GPBP1: variants seen among roughly 807,000 people sequenced by gnomAD.
GPBP1 encodes the protein vasculin.
GPBP1 carries 13 observed loss-of-function variants against 56.5 expected under a neutral mutation model. That is an observed-to-expected ratio of 0.23 (90% CI 0.15 to 0.37). GPBP1 has a LOEUF of 0.37. Ranked by LOEUF, GPBP1 falls within the 10% of genes least tolerant of loss-of-function variation. The pLI, the probability that GPBP1 is intolerant of heterozygous loss-of-function variation, is 1.00. For synonymous variants in GPBP1, 204 were observed against 188.9 expected (o/e 1.08, Z -0.66); for missense variants, 477 against 572.3 (o/e 0.83, Z 1.70).
chr5:57,190,694 CTTTTTTTTTTTTTTTT>C (rs773540051), intron 2 of GPBP1, among the ~76,000 whole-genome samples: 2 of 68,852 alleles, frequency 2.9e-5, no homozygotes, highest in African/African-American at 5.8e-5. Context: ...TTGCTGTTAG[CTTTTTTTTTTTTTTTT>C]TTTTTTTTTT....
At chr5:57,241,762 A>G (rs1056624459) in intron 6 of GPBP1, among the ~76,000 whole-genome samples, 1 of 152,226 alleles carries the variant, frequency 6.6e-6, no homozygotes, top group East Asian at 1.9e-4. Flanking sequence ...CTCATTTTAT[A>G]TAGGTATTAA....
chr5:57,249,447 T>A lies in GPBP1; in HGVS notation c.843T>A (p.Leu281=), dbSNP rs772956658. 21 of 1,608,038 alleles carry A rather than the reference T, an allele frequency of 1.3e-5. No individual in the cohort carries two copies. In the Middle Eastern group the frequency reaches 1.3e-3, roughly 102 times the overall value. ...ATTCCTCTTCTCCTGTTGACAAACT[T>A]AATCAGCAGCCTCGTCTAACCAAAC... is the stretch of plus-strand genomic sequence containing the variant. ...RSNSSSPVDK[L]NQQPRLTKLT... Residue 281 remains leucine (L), a synonymous_variant, in exon 9 of 12, where the codon CTT becomes CTA. Transcript: ENST00000506184.
chr5:57,186,201 A>T (rs1222124933), intron 2 of GPBP1, among the ~76,000 whole-genome samples: 1 of 152,062 alleles, frequency 6.6e-6, no homozygotes, highest in African/African-American at 2.4e-5. Flanking sequence ...GTTCAAGACC[A>T]GCCTGGGCAA....
At chr5:57,223,938 A>G (rs1234929886) in intron 3 of GPBP1, among the ~76,000 whole-genome samples, 2 of 151,076 alleles carry the variant, frequency 1.3e-5, no homozygotes, top group East Asian at 3.9e-4. Flanking sequence ...GGTTCATGCC[A>G]TTCTCCTGCC....
chr5:57,222,945 T>C (rs1252069905), intron 3 of GPBP1, among the ~76,000 whole-genome samples: 1 of 152,214 alleles, frequency 6.6e-6, no homozygotes, highest in African/African-American at 2.4e-5. Flanking sequence ...CATATTTTTG[T>C]GTTAGAAATT....
chr5:57,242,822 T>A (rs1193235818), intron 6 of GPBP1, among the ~76,000 whole-genome samples: 1 of 152,158 alleles, frequency 6.6e-6, no homozygotes, highest in Non-Finnish European at 1.5e-5. Flanking sequence ...TGATCTCATC[T>A]CACTGCAACC....
At chr5:57,201,107 A>T (rs901205565) in intron 2 of GPBP1, among the ~76,000 whole-genome samples, 4 of 152,216 alleles carry the variant, frequency 2.6e-5, no homozygotes, top group African/African-American at 9.6e-5. Context: ...TACAGGCATG[A>T]GCCACTGCGC....
intron 2 of GPBP1, among the ~76,000 whole-genome samples, chr5:57,178,783 A>G (rs748853688): frequency 6.6e-6 from 1 of 152,216 alleles, no homozygotes; most frequent in Non-Finnish European, 1.5e-5. Flanking sequence ...TCCGTTGGTA[A>G]TTGGAACTAT....
At chr5:57,247,047 C>G (rs777554429) in intron 7 of GPBP1, 28 bp from the exon 8 acceptor site, 5 of 1,591,624 alleles carry the variant, frequency 3.1e-6, no homozygotes, top group Middle Eastern at 3.4e-4. Context: ...TTTTTGATAG[C>G]CATTAATGTT....
chr5:57,248,774 T>G (rs1306222586), intron 8 of GPBP1: 1 of 152,228 alleles, frequency 6.6e-6, no homozygotes, highest in East Asian at 1.9e-4. Flanking sequence ...AGGGAAGGAC[T>G]AGCATTCCTA....
At chr5:57,197,978 C>A (rs1390620820) in intron 2 of GPBP1, among the ~76,000 whole-genome samples, 1 of 151,872 alleles carries the variant, frequency 6.6e-6, no homozygotes, top group Non-Finnish European at 1.5e-5. Context: ...AGCCAAATAT[C>A]TTTTGGTGCC....
intron 2 of GPBP1, among the ~76,000 whole-genome samples, chr5:57,197,242 T>C (rs1310997329): frequency 1.3e-5 from 2 of 152,132 alleles, no homozygotes; most frequent in African/African-American, 2.4e-5. Flanking sequence ...TTCCTACACA[T>C]TGTCCTCCTC....
intron 2 of GPBP1, among the ~76,000 whole-genome samples, chr5:57,197,861 T>C (rs1754835317): frequency 6.6e-6 from 1 of 152,172 alleles, no homozygotes; most frequent in South Asian, 2.1e-4. Flanking sequence ...AAATGTTTGA[T>C]GATTATTAGT....
rs534556617 is a variant in GPBP1 at position 57,219,423 on chromosome 5, A to C, written c.63+5230A>C. Among the ~76,000 whole-genome samples the C allele has an allele frequency of 1.2e-3, 176 of 142,138 alleles. 17 individuals carry two copies. The highest frequency in any genetic ancestry group is 3.6e-3 in the Middle Eastern group (1 of 280). The allele number at this position is 142,138 out of a possible 152,430, so 93.2% of individuals were successfully genotyped here. ...AAAAAACCAAAAACAAACAAACAAA[A>C]AAAAAAACAACAAAACCACACACAC... On this transcript the variant is annotated intron_variant, in intron 3 of 11. Transcript: ENST00000506184.
At chr5:57,232,918 A>G (rs1323160319) in intron 5 of GPBP1, among the ~76,000 whole-genome samples, 1 of 152,238 alleles carries the variant, frequency 6.6e-6, no homozygotes, top group African/African-American at 2.4e-5. Flanking sequence ...TAAGGGATAA[A>G]AGGCTAGTAT....
intron 6 of GPBP1, among the ~76,000 whole-genome samples, chr5:57,240,699 G>A (rs1465855466): frequency 6.6e-6 from 1 of 152,180 alleles, no homozygotes; most frequent in East Asian, 1.9e-4. Context: ...TGGGCCGGGA[G>A]TGGTGGCTCT....
chr5:57,259,004 C>G (rs541207314), intron 10 of GPBP1, among the ~76,000 whole-genome samples: 1 of 152,280 alleles, frequency 6.6e-6, no homozygotes, highest in South Asian at 2.1e-4. Context: ...TTAATAGTCT[C>G]TGTATTAGGT....
At chr5:57,255,674 A>G (rs1177392866) in intron 10 of GPBP1, among the ~76,000 whole-genome samples, 1 of 152,226 alleles carries the variant, frequency 6.6e-6, no homozygotes, top group Non-Finnish European at 1.5e-5. Flanking sequence ...GTCACCTAAT[A>G]TCTTGTCTTC....
intron 3 of GPBP1, among the ~76,000 whole-genome samples, chr5:57,222,238 A>G (rs1435264585): frequency 6.6e-6 from 1 of 152,138 alleles, no homozygotes; most frequent in Non-Finnish European, 1.5e-5. Context: ...TAAAACACTT[A>G]TATTAAGGTA....
Sources: gnomAD v4.1 joint callset for allele counts (sites outside exome capture counted in the v4.1 genomes callset) on GRCh38, gnomAD v4.1.1 for gene constraint, MANE v1.5 for transcripts, NCBI Gene and HGNC (gene_info 2026-07-23, HGNC 2026-07-21) for gene names.